Variants in ANKS1B observed in about 807,000 individuals in gnomAD.
The protein encoded by ANKS1B is ankyrin repeat and sterile alpha motif domain-containing protein 1B.
A neutral mutation model predicts 148.3 loss-of-function variants in ANKS1B; 36 were observed. That is an observed-to-expected ratio of 0.24 (90% CI 0.19 to 0.32). The LOEUF (loss-of-function observed/expected upper bound fraction) is 0.32, where lower values mean the gene tolerates loss of function less well. ANKS1B is among the 10% of genes least tolerant of loss of function. The pLI is 1.00. For missense variants in ANKS1B, 1,157 were observed against 1,542.6 expected (o/e 0.75, Z 4.19); for synonymous variants, 542 against 560.8 (o/e 0.97, Z 0.47).
chr12:99,137,707 C>T (rs1395245266), intron 15 of ANKS1B, among the ~76,000 whole-genome samples: 4 of 151,970 alleles, frequency 2.6e-5, no homozygotes, highest in South Asian at 2.1e-4. Flanking sequence ...CTTCCCCTGC[C>T]CACTAACTGG....
chr12:98,795,202 C>T (rs1273216010), intron 22 of ANKS1B, among the ~76,000 whole-genome samples: 1 of 152,122 alleles, frequency 6.6e-6, no homozygotes, highest in Non-Finnish European at 1.5e-5. Context: ...GTAAAATATT[C>T]CCTTTATTAA....
chr12:98,804,727 G>A (rs547819592), intron 20 of ANKS1B, among the ~76,000 whole-genome samples: 1 of 152,172 alleles, frequency 6.6e-6, no homozygotes, highest in South Asian at 2.1e-4. Flanking sequence ...TATATGGAAT[G>A]GAAGAAGAGG....
intron 14 of ANKS1B, 151 bp downstream of exon 14, chr12:99,244,191 T>C: frequency 1.8e-6 from 1 of 569,828 alleles, no homozygotes; most frequent in Non-Finnish European, 3.0e-6. Flanking sequence ...ATGTTGCTTA[T>C]ATGTCATTGT....
In ANKS1B at chr12:99,890,780, G is replaced by A. The variant is rs1012584575; in HGVS notation, c.135-65391C>T. Among the ~76,000 whole-genome samples, 3 of 152,134 alleles carry A rather than the reference G, an allele frequency of 2.0e-5. No homozygotes were observed. In the East Asian group the frequency reaches 5.8e-4, roughly 29 times the overall value. ...AACAGTTGAATAAGCAAGCTATAAA[G>A]AGAAGATGTGACCAGAGATAGGGAA... On this transcript the variant is annotated intron_variant, in intron 1 of 26. Transcript: ENST00000683438.
At chr12:99,241,914 T>C (rs183669638) in intron 14 of ANKS1B, among the ~76,000 whole-genome samples, 4,831 of 152,286 alleles carry the variant, frequency 0.032, 108 homozygotes, top group South Asian at 0.046. Flanking sequence ...TAATAAGAGC[T>C]ATTTATGACA....
intron 12 of ANKS1B, among the ~76,000 whole-genome samples, chr12:99,271,691 T>TATATATATATATATATATA (rs1266274898): frequency 6.9e-6 from 1 of 144,322 alleles, no homozygotes; most frequent in Non-Finnish European, 1.5e-5. Context: ...TATATATATA[T>TATATATATATATATATATA]ATTTACTAAA....
At chr12:99,335,780 C>A (rs1017871793) in intron 12 of ANKS1B, among the ~76,000 whole-genome samples, 1 of 152,056 alleles carries the variant, frequency 6.6e-6, no homozygotes, top group Non-Finnish European at 1.5e-5. Context: ...GTTTAGGTTG[C>A]TTCCAAACTT....
intron 9 of ANKS1B, among the ~76,000 whole-genome samples, chr12:99,583,096 G>A (rs115744334): frequency 0.012 from 1,810 of 152,198 alleles, 49 homozygotes; most frequent in African/African-American, 0.041. Context: ...TCTAAAGATG[G>A]TGAAGGATAC....
At chr12:98,760,497 C>T (rs1273318694) in intron 25 of ANKS1B, among the ~76,000 whole-genome samples, 2 of 152,152 alleles carry the variant, frequency 1.3e-5, no homozygotes, top group African/African-American at 4.8e-5. Flanking sequence ...ATTCTTTCTG[C>T]ATCACCTTGG....
intron 1 of ANKS1B, among the ~76,000 whole-genome samples, chr12:99,968,282 G>A (rs2095512841): frequency 6.6e-6 from 1 of 152,208 alleles, no homozygotes; most frequent in African/African-American, 2.4e-5. Flanking sequence ...TGTGGGCTGG[G>A]TGTGGTGGCT....
At chr12:99,162,457 G>A (rs2076754579) in intron 14 of ANKS1B, among the ~76,000 whole-genome samples, 1 of 151,844 alleles carries the variant, frequency 6.6e-6, no homozygotes, top group Non-Finnish European at 1.5e-5. Context: ...AAAACATTGG[G>A]GTTGTTTAAT....
chr12:99,632,058 G>A (rs942558642), intron 9 of ANKS1B, among the ~76,000 whole-genome samples: 1 of 152,108 alleles, frequency 6.6e-6, no homozygotes, highest in Admixed American at 6.5e-5. Flanking sequence ...GTGGTTTCAC[G>A]GGACAGGCCT....
chr12:99,901,955 CTTA>C (rs2093614908), intron 1 of ANKS1B, among the ~76,000 whole-genome samples: 1 of 152,106 alleles, frequency 6.6e-6, no homozygotes, highest in African/African-American at 2.4e-5. Context: ...TTATTGAACA[CTTA>C]TTATGATCCA....
intron 8 of ANKS1B, among the ~76,000 whole-genome samples, chr12:99,765,667 T>A (rs2062575686): frequency 6.6e-6 from 1 of 152,182 alleles, no homozygotes; most frequent in African/African-American, 2.4e-5. Flanking sequence ...AGTAAAATAT[T>A]GACTCAGACC....
intron 8 of ANKS1B, among the ~76,000 whole-genome samples, chr12:99,681,980 G>T (rs1049419818): frequency 6.6e-5 from 10 of 152,102 alleles, no homozygotes; most frequent in Admixed American, 4.6e-4. Flanking sequence ...CTTACATAAG[G>T]TAAAACAGAC....
intron 12 of ANKS1B, among the ~76,000 whole-genome samples, chr12:99,358,823 T>C (rs900143215): frequency 3.9e-5 from 6 of 152,048 alleles, no homozygotes; most frequent in Non-Finnish European, 7.4e-5. Flanking sequence ...AAAACTGACA[T>C]AGTCCCATCC....
chr12:99,165,550 C>A (rs1208210554), intron 14 of ANKS1B, among the ~76,000 whole-genome samples: 1 of 151,890 alleles, frequency 6.6e-6, no homozygotes, highest in Non-Finnish European at 1.5e-5. Flanking sequence ...TTAAGAGAAG[C>A]AAGGTACCAA....
At chr12:99,776,933 T>C (rs1178067932) in intron 6 of ANKS1B, among the ~76,000 whole-genome samples, 1 of 152,106 alleles carries the variant, frequency 6.6e-6, no homozygotes, top group Non-Finnish European at 1.5e-5. Context: ...TCCGCCCACC[T>C]CGGCCTCCCA....
intron 1 of ANKS1B, among the ~76,000 whole-genome samples, chr12:99,969,464 G>A (rs1363571023): frequency 6.6e-6 from 1 of 152,140 alleles, no homozygotes; most frequent in Non-Finnish European, 1.5e-5. Flanking sequence ...GATTACGGGT[G>A]TGAGTCAACA....
Sources: gnomAD v4.1 joint callset for allele counts (sites outside exome capture counted in the v4.1 genomes callset) on GRCh38, gnomAD v4.1.1 for gene constraint, MANE v1.5 for transcripts, NCBI Gene and HGNC (gene_info 2026-07-23, HGNC 2026-07-21) for gene names.